The following GALNT2 variants were observed in gnomAD, a reference collection of about 807,000 sequenced individuals.
GALNT2 encodes the protein polypeptide N-acetylgalactosaminyltransferase 2.
In GALNT2, 31 loss-of-function variants were observed where a neutral mutation model predicts 81.4. That is an observed-to-expected ratio of 0.38 (90% CI 0.29 to 0.51). The LOEUF is 0.51. Among genes scored for constraint, GALNT2 ranks in the 20% least tolerant of loss-of-function variants. GALNT2 has a pLI of 0.87. For synonymous variants in GALNT2, 303 were observed against 287.4 expected, an observed-to-expected ratio of 1.05 and a Z score of -0.55; for missense variants, 629 against 765.7, an observed-to-expected ratio of 0.82 and a Z score of 2.11.
chr1:230,148,301 T>G (rs1308200112), intron 1 of GALNT2, among the ~76,000 whole-genome samples: 1 of 152,220 alleles, frequency 6.6e-6, no homozygotes, highest in Non-Finnish European at 1.5e-5. Flanking sequence ...CTCCTAGAGC[T>G]GAAGCCAGAA....
chr1:230,084,604 G>A (rs1485089332), intron 1 of GALNT2, among the ~76,000 whole-genome samples: 1 of 152,018 alleles, frequency 6.6e-6, no homozygotes, highest in East Asian at 1.9e-4. Context: ...TGGTGGGCTC[G>A]GGGGAGAATG....
Position 230,202,636 on chromosome 1 carries a change from A to G in GALNT2, c.221-501A>G, listed in dbSNP as rs910611492. Among the ~76,000 whole-genome samples, 7 of 152,344 alleles carry G rather than the reference A, an allele frequency of 4.6e-5. No individual in the cohort carries two copies. In the South Asian group the frequency reaches 1.4e-3, roughly 32 times the overall value. On this transcript the variant is annotated intron_variant, in intron 2 of 15. Transcript: ENST00000366672. ...CAGCTGCAAAAAGGACCCCTTGACA[A>G]GGTCTCACCAAAGGGTATTTTGATA...
At chr1:230,141,062 T>C (rs2102823979) in intron 1 of GALNT2, among the ~76,000 whole-genome samples, 1 of 152,346 alleles carries the variant, frequency 6.6e-6, no homozygotes, top group East Asian at 1.9e-4. Flanking sequence ...CATAGATCTG[T>C]AGGTAACCAT....
chr1:230,210,509 A>T (rs1235530700), intron 3 of GALNT2, among the ~76,000 whole-genome samples: 1 of 152,236 alleles, frequency 6.6e-6, no homozygotes, highest in East Asian at 1.9e-4. Flanking sequence ...TCACGCTGAA[A>T]TACCACTGCC....
chr1:230,213,598 T>C (rs1664297574), intron 3 of GALNT2, among the ~76,000 whole-genome samples: 1 of 152,252 alleles, frequency 6.6e-6, no homozygotes, highest in Admixed American at 6.5e-5. Flanking sequence ...TTATCTTTTA[T>C]ATGGTGTATT....
At chr1:230,112,800 T>TGGGGGGGGGGGGGG (rs200649766) in intron 1 of GALNT2, among the ~76,000 whole-genome samples, 3 of 75,880 alleles carry the variant, frequency 4.0e-5, no homozygotes, top group Non-Finnish European at 7.8e-5. Flanking sequence ...GGCAGGGGGG[T>TGGGGGGGGGGGGGG]GGGGGGGACC....
intron 1 of GALNT2, among the ~76,000 whole-genome samples, chr1:230,093,998 G>A (rs979435796): frequency 8.0e-5 from 6 of 75,202 alleles, no homozygotes; most frequent in African/African-American, 3.0e-4. Flanking sequence ...ATACTGTTTC[G>A]TCCACCTGTG....
intron 1 of GALNT2, among the ~76,000 whole-genome samples, chr1:230,094,389 CGAGGCGGGTGG>C (rs1444043038): frequency 4.6e-5 from 7 of 151,820 alleles, no homozygotes; most frequent in Admixed American, 3.3e-4. Flanking sequence ...TTTGGGAGGT[CGAGGCGGGTGG>C]GAGGCGGGTG....
chr1:230,221,211 A>T (rs1311039354), intron 3 of GALNT2, among the ~76,000 whole-genome samples: 1 of 152,156 alleles, frequency 6.6e-6, no homozygotes, highest in Non-Finnish European at 1.5e-5. Context: ...AATATTTTCT[A>T]GGACTGTTAA....
intron 2 of GALNT2, among the ~76,000 whole-genome samples, chr1:230,185,245 C>T (rs1663285762): frequency 6.6e-6 from 1 of 151,366 alleles, no homozygotes; most frequent in Admixed American, 6.6e-5. Context: ...CTGATACTTG[C>T]TGTGTCTCTT....
intron 3 of GALNT2, among the ~76,000 whole-genome samples, chr1:230,204,168 CT>C (rs373232106): frequency 9.7e-4 from 122 of 125,852 alleles, no homozygotes; most frequent in Admixed American, 2.0e-3. Context: ...TTTTCTTTTT[CT>C]TTTTTTTTTT....
chr1:230,155,882 T>C (rs1662235581), intron 1 of GALNT2, among the ~76,000 whole-genome samples: 1 of 152,046 alleles, frequency 6.6e-6, no homozygotes, highest in African/African-American at 2.4e-5. Context: ...AAGCCTTGCT[T>C]TAAAAGGACT....
intron 3 of GALNT2, among the ~76,000 whole-genome samples, chr1:230,208,249 G>A (rs549418734): frequency 2.7e-4 from 41 of 152,296 alleles, no homozygotes; most frequent in African/African-American, 9.6e-4. Flanking sequence ...TGGTGGTGGT[G>A]AGAAGTGGTC....
intron 1 of GALNT2, among the ~76,000 whole-genome samples, chr1:230,093,202 A>G (rs1660146086): frequency 6.6e-6 from 1 of 152,230 alleles, no homozygotes; most frequent in Admixed American, 6.5e-5. Context: ...TTCTCATTTG[A>G]TAATACAATG....
At position 230,257,525 on chromosome 1, in the gene GALNT2, G is replaced by A. The variant is rs768747807; in HGVS notation, c.1136+2181G>A. On this transcript the variant is annotated intron_variant, in intron 11 of 15. Transcript: ENST00000366672. This position sits in a 1 kb window ranked among gnomAD's most constrained non-coding sequence, Gnocchi z 4.6. ...TTCAGGACAGTCATGTGCTCTACAC[G>A]TTTGTAGCCTAGAAGCAATAGGCTG... Among the ~76,000 whole-genome samples, 21 of 152,222 alleles carry A rather than the reference G, an allele frequency of 1.4e-4. No homozygotes were observed. The highest frequency in any genetic ancestry group is 2.2e-4 in the Non-Finnish European group (15 of 68,048).
At position 230,107,642 on chromosome 1, in the gene GALNT2, G is replaced by T. The variant is rs539459932; in HGVS notation, c.126+40236G>T. 1.8e-4 allele frequency among the ~76,000 whole-genome samples: 27 copies of T among 151,684 alleles called. No individual in the cohort carries two copies. In the South Asian group the frequency reaches 5.2e-3, roughly 29 times the overall value. ...TGTGTGTGTGTGTGTGTGTGTGTGTGTGGTTGGTTGGTTGGTTTAAGCCAT... is the reference window on the plus strand; with the variant it reads ...TGTGTGTGTGTGTGTGTGTGTGTGTTTGGTTGGTTGGTTGGTTTAAGCCAT... On this transcript the variant is annotated intron_variant, in intron 1 of 15. Coordinates refer to ENST00000366672, the MANE Select transcript of GALNT2 (RefSeq NM_004481.5).
At chr1:230,121,167 G>A (rs1571985491) in intron 1 of GALNT2, among the ~76,000 whole-genome samples, 1 of 152,194 alleles carries the variant, frequency 6.6e-6, no homozygotes, top group East Asian at 1.9e-4. Context: ...ACATTCCCTG[G>A]GATCTGGAGG....
chr1:230,263,150 A>G (rs935388247), intron 13 of GALNT2, 145 bp downstream of exon 13: 5 of 665,982 alleles, frequency 7.5e-6, no homozygotes, highest in Admixed American at 2.6e-5. Flanking sequence ...GTCTCACTCC[A>G]TGGTGTGGAG....
chr1:230,187,461 G>A (rs1030346534), intron 2 of GALNT2, among the ~76,000 whole-genome samples: 7 of 152,006 alleles, frequency 4.6e-5, no homozygotes, highest in South Asian at 2.1e-4. Flanking sequence ...TTTGGGCATC[G>A]GCAGGAGTAG....
Sources: gnomAD v4.1 joint callset for allele counts (sites outside exome capture counted in the v4.1 genomes callset) on GRCh38, gnomAD v4.1.1 for gene constraint, Gnocchi (gnomAD v3.1) non-coding constraint, MANE v1.5 for transcripts, NCBI Gene and HGNC (gene_info 2026-07-23, HGNC 2026-07-21) for gene names.